Variants in PDE1A observed in about 807,000 individuals in gnomAD.
The protein encoded by PDE1A is dual specificity calcium/calmodulin-dependent 3',5'-cyclic nucleotide phosphodiesterase 1A.
In PDE1A, 35 loss-of-function variants were observed where a neutral mutation model predicts 61.7. That is an observed-to-expected ratio of 0.57 (90% CI 0.43 to 0.75). The LOEUF (loss-of-function observed/expected upper bound fraction) is 0.75, where lower values mean the gene tolerates loss of function less well. PDE1A is among the 30% of genes least tolerant of loss of function. The pLI is 0.00. For missense variants in PDE1A, 597 were observed against 630.6 expected (o/e 0.95, Z 0.57); for synonymous variants, 232 against 213.2 (o/e 1.09, Z -0.77).
At chr2:182,602,878 G>A in the PDE1A span, among the ~76,000 whole-genome samples, 1 of 152,194 alleles carries the variant, frequency 6.6e-6, no homozygotes, top group Non-Finnish European at 1.5e-5. Context: ...GAGACACTGG[G>A]TTAGAGGTTG....
chr2:182,373,206 A>G (rs1486151469), intron 1 of PDE1A, among the ~76,000 whole-genome samples: 1 of 152,154 alleles, frequency 6.6e-6, no homozygotes, highest in East Asian at 1.9e-4. Context: ...ATAATAATGG[A>G]AGGGGAACCA....
At chr2:182,649,607 CAAA>C in the PDE1A span, among the ~76,000 whole-genome samples, 6 of 113,086 alleles carry the variant, frequency 5.3e-5, no homozygotes, top group Admixed American at 1.0e-4. Flanking sequence ...CCACTCTATA[CAAA>C]AAAAAAAAAA....
the PDE1A span, among the ~76,000 whole-genome samples, chr2:182,664,855 C>T: frequency 9.2e-5 from 14 of 152,188 alleles, no homozygotes; most frequent in South Asian, 4.1e-4. Flanking sequence ...TAAAGAGATA[C>T]GTAAGTCAAA....
chr2:182,480,816 AG>A (rs1687656230), intron 2 of PDE1A, among the ~76,000 whole-genome samples: 1 of 151,906 alleles, frequency 6.6e-6, no homozygotes, highest in Non-Finnish European at 1.5e-5. Context: ...CCTACTAAAA[AG>A]ATGATTGATA....
At chr2:182,440,996 G>C (rs1684757064) in intron 2 of PDE1A, among the ~76,000 whole-genome samples, 1 of 152,006 alleles carries the variant, frequency 6.6e-6, no homozygotes, top group African/African-American at 2.4e-5. Flanking sequence ...ACATACCTTA[G>C]ACTGGGTAAT....
At chr2:182,462,141 A>C (rs1686331039) in intron 2 of PDE1A, among the ~76,000 whole-genome samples, 2 of 148,580 alleles carry the variant, frequency 1.3e-5, no homozygotes, top group East Asian at 4.2e-4. Context: ...AACATCACAC[A>C]CCGGGGCCTG....
intron 1 of PDE1A, among the ~76,000 whole-genome samples, chr2:182,272,329 C>T (rs144795048): frequency 2.2e-4 from 34 of 152,256 alleles, no homozygotes; most frequent in Middle Eastern, 3.4e-3. Flanking sequence ...GCTCTGCTGT[C>T]GCTATCTTGA....
exon 10 of PDE1A, chr2:182,201,539 A>G (rs1161393278): frequency 4.3e-6 from 7 of 1,612,236 alleles, no homozygotes; most frequent in Non-Finnish European, 5.9e-6. Flanking sequence ...AATCAGGGAC[A>G]TGGTTTTGGC....
the PDE1A span, among the ~76,000 whole-genome samples, chr2:182,673,050 G>A: frequency 0.069 from 10,463 of 152,084 alleles, 443 homozygotes; most frequent in Non-Finnish European, 0.083. Flanking sequence ...TAATTTTTCC[G>A]GTGTAAAAGA....
intron 1 of PDE1A, among the ~76,000 whole-genome samples, chr2:182,313,170 T>C (rs1397311909): frequency 6.6e-6 from 1 of 152,168 alleles, no homozygotes; most frequent in East Asian, 1.9e-4. Flanking sequence ...TCCCAGCACT[T>C]TGGGAGGCCG....
the PDE1A span, among the ~76,000 whole-genome samples, chr2:182,568,096 C>T: frequency 2.6e-5 from 4 of 151,986 alleles, no homozygotes; most frequent in South Asian, 2.1e-4. Context: ...ACTGCGCCCG[C>T]GCCCGGCAAT....
chr2:182,542,081 T>C, the PDE1A span, among the ~76,000 whole-genome samples: 1 of 152,158 alleles, frequency 6.6e-6, no homozygotes, highest in African/African-American at 2.4e-5. Flanking sequence ...ATTAACCTAT[T>C]TTAAAAATTT....
intron 13 of PDE1A, among the ~76,000 whole-genome samples, chr2:182,184,128 A>G (rs779399965): frequency 5.3e-5 from 8 of 152,102 alleles, no homozygotes; most frequent in African/African-American, 9.7e-5. Flanking sequence ...GCATAACACA[A>G]TCCTCAGAAG....
At chr2:182,594,256 A>G in the PDE1A span, among the ~76,000 whole-genome samples, 24 of 152,332 alleles carry the variant, frequency 1.6e-4, no homozygotes, top group African/African-American at 5.8e-4. Flanking sequence ...TAGATTGCCA[A>G]ATGTGAAGAT....
At chr2:182,458,416 T>G (rs976649702) in intron 2 of PDE1A, among the ~76,000 whole-genome samples, 8 of 152,090 alleles carry the variant, frequency 5.3e-5, no homozygotes, top group African/African-American at 1.9e-4. Context: ...CCTGTGTCCA[T>G]GGAGCTTCCA....
the PDE1A span, among the ~76,000 whole-genome samples, chr2:182,571,158 T>C: frequency 6.6e-6 from 1 of 152,218 alleles, no homozygotes; most frequent in Non-Finnish European, 1.5e-5. Context: ...GAATGCTTCC[T>C]GATTATGAGA....
chr2:182,185,968 G>A lies in PDE1A; in HGVS notation c.1440C>T (p.Asp480=), dbSNP rs764164761. ...CCAGGTTGTTCTTGAAACTCTTCAG[G>A]TCCACTGCTGCAAGGGAGTAGTCTG... Residue 480 remains aspartate, a synonymous_variant, in exon 13 of 14, where the codon GAC becomes GAT. Coordinates refer to ENST00000351439, the Ensembl canonical transcript of PDE1A. 9 of 1,613,898 alleles carry A rather than the reference G, an allele frequency of 5.6e-6. No homozygotes were observed. In the South Asian group the frequency reaches 9.9e-5, roughly 18 times the overall value.
chr2:182,239,154 C>T (rs2568663), intron 3 of PDE1A, among the ~76,000 whole-genome samples: 109,469 of 152,068 alleles, frequency 0.72, 39,973 homozygotes, highest in African/African-American at 0.85. Flanking sequence ...GTGTTTTCCA[C>T]TGTCCCTTTA....
upstream of PDE1A, among the ~76,000 whole-genome samples, chr2:182,527,329 TATATATA>T (rs1559543448): frequency 2.8e-3 from 21 of 7,440 alleles, 1 homozygote; most frequent in African/African-American, 9.9e-3. Flanking sequence ...AAAAAAAAAA[TATATATA>T]TATATATATA....
Sources: allele counts gnomAD v4.1 joint callset (sites outside exome capture counted in the v4.1 genomes callset), GRCh38; gene constraint gnomAD v4.1.1; transcripts MANE v1.5; gene names NCBI Gene and HGNC (gene_info 2026-07-23, HGNC 2026-07-21).